PCDHGB4: variants seen among roughly 807,000 people sequenced by gnomAD.
The protein encoded by PCDHGB4 is protocadherin gamma subfamily B, 4, also known as protocadherin gamma-B4.
Under a neutral mutation model 60.5 loss-of-function variants are expected in PCDHGB4, and 38 were observed. The observed-to-expected ratio is 0.63, with a 90% CI of 0.48 to 0.82. PCDHGB4 has a LOEUF of 0.82. PCDHGB4 is among the 40% of genes least tolerant of loss of function. The probability of loss-of-function intolerance (pLI) is 0.00; values close to 1 mark genes in which losing one functional copy is unlikely to be tolerated. For missense variants in PCDHGB4, 1,109 were observed against 1,209.6 expected (o/e 0.92, Z 1.23); for synonymous variants, 456 against 509.7 (o/e 0.89, Z 1.42).
chr5:141,406,707 T>C (rs1201619018), intron 1 of PCDHGB4, among the ~76,000 whole-genome samples: 1 of 152,228 alleles, frequency 6.6e-6, no homozygotes, highest in Non-Finnish European at 1.5e-5. Flanking sequence ...AGTATATGCT[T>C]GCTCAAGAGA....
chr5:141,403,210 C>T lies in PCDHGB4; in HGVS notation c.2397+12929C>T, dbSNP rs369033480. 123 of 1,613,946 alleles carry T rather than the reference C, an allele frequency of 7.6e-5. No homozygotes were observed. In the Middle Eastern group the frequency reaches 1.2e-3, roughly 15 times the overall value. On this transcript the variant is annotated intron_variant, in intron 1 of 3. Coordinates refer to ENST00000519479, the MANE Select transcript of PCDHGB4 (RefSeq NM_003736.4). Reference sequence around the variant, plus strand: ...ACCCGCGCAGCGGCACCTTGGTCACCGCGGGTAGGATAGACCGGGAGGAGC... The same window carrying T: ...ACCCGCGCAGCGGCACCTTGGTCACTGCGGGTAGGATAGACCGGGAGGAGC...
At position 141,432,587 on chromosome 5, in the gene PCDHGB4, A is replaced by G. The variant is rs1344597432; in HGVS notation, c.2397+42306A>G. 5 of 1,613,132 alleles carry G rather than the reference A, an allele frequency of 3.1e-6. No homozygotes were observed. In the East Asian group the frequency reaches 8.9e-5, roughly 29 times the overall value. ...CGCCTGGCTGTCCTACCGTCTGCTC[A>G]AGGCCAGCGAGCCGGGACTCTTCTC... On this transcript the variant is annotated intron_variant, in intron 1 of 3. Transcript: ENST00000519479. This position sits in a 1 kb window ranked among gnomAD's most constrained non-coding sequence, Gnocchi z 6.0.
At chr5:141,408,910 T>A in intron 1 of PCDHGB4, 1 of 1,613,256 alleles carries the variant, frequency 6.2e-7, no homozygotes, top group Non-Finnish European at 8.5e-7. Flanking sequence ...AGGATACCAA[T>A]GATAACCCCC....
intron 1 of PCDHGB4, among the ~76,000 whole-genome samples, chr5:141,452,094 G>A (rs760924457): frequency 6.6e-6 from 1 of 152,162 alleles, no homozygotes; most frequent in South Asian, 2.1e-4. Context: ...CAGTAAGAAA[G>A]AGCTTTCTTT....
At chr5:141,399,641 C>T (rs747527070) in intron 1 of PCDHGB4, 5 of 1,613,852 alleles carry the variant, frequency 3.1e-6, no homozygotes, top group Non-Finnish European at 4.2e-6. Context: ...TCCATGAGCG[C>T]GCAAAGTGGG....
rs767245444 is a variant in PCDHGB4, at chr5:141,393,478, G to A, written c.2397+3197G>A. 1 of 1,614,052 alleles carries A rather than the reference G, an allele frequency of 6.2e-7. No homozygotes were observed. On this transcript the variant is annotated intron_variant, in intron 1 of 3. Transcript: ENST00000519479. ...GCCTCGGATGGCGGCAAGCCGCCTC[G>A]CTCTAGCACAGTGCGCATCCACGTG... is the stretch of plus-strand genomic sequence containing the variant.
At chr5:141,409,589 G>A (rs1487343349) in intron 1 of PCDHGB4, 12 of 1,613,758 alleles carry the variant, frequency 7.4e-6, no homozygotes, top group East Asian at 4.5e-5. Flanking sequence ...CCACGTGGCC[G>A]AGAACAACCC....
intron 1 of PCDHGB4, chr5:141,392,318 C>T (rs1213951508): frequency 6.6e-6 from 1 of 152,062 alleles, no homozygotes; most frequent in Non-Finnish European, 1.5e-5. Context: ...TTTTTTAAGA[C>T]CAAATGTATT....
intron 1 of PCDHGB4, among the ~76,000 whole-genome samples, chr5:141,459,812 A>G (rs1390780491): frequency 1.3e-5 from 2 of 152,232 alleles, no homozygotes; most frequent in South Asian, 2.1e-4. Context: ...GACTAGAGAC[A>G]CTGAGCAACT....
At chr5:141,461,825 T>C (rs2099024418) in intron 1 of PCDHGB4, among the ~76,000 whole-genome samples, 1 of 151,778 alleles carries the variant, frequency 6.6e-6, no homozygotes, top group African/African-American at 2.4e-5. Context: ...AGCTAATTTT[T>C]TTTTCTTTTT....
chr5:141,398,736 A>G (rs748665574), intron 1 of PCDHGB4: 1 of 1,613,884 alleles, frequency 6.2e-7, no homozygotes, highest in South Asian at 1.1e-5. Context: ...TAGACCGGGA[A>G]CAACAGAGTT....
In PCDHGB4 at chr5:141,456,564, A is replaced by G. The variant is rs1174191537; in HGVS notation, c.2398-38243A>G. ...TTGTAGCCACTCGGGGCTGAAGCCC[A>G]CATTTTCCCTGAGCCTGTCAATAAT... On this transcript the variant is annotated intron_variant, in intron 1 of 3. Coordinates refer to ENST00000519479, the MANE Select transcript of PCDHGB4 (RefSeq NM_003736.4). Among the ~76,000 whole-genome samples the G allele has an allele frequency of 2.6e-5, 4 of 152,338 alleles. No individual in the cohort carries two copies. The South Asian group carries it at 6.2e-4, about 24-fold the overall frequency.
At chr5:141,450,506 G>A (rs2098682958) in intron 1 of PCDHGB4, among the ~76,000 whole-genome samples, 2 of 151,914 alleles carry the variant, frequency 1.3e-5, no homozygotes, top group Admixed American at 6.6e-5. Context: ...TTTGTTTTGA[G>A]ATGGAGTCTC....
intron 1 of PCDHGB4, chr5:141,422,865 C>G: frequency 1.2e-6 from 2 of 1,614,244 alleles, no homozygotes; most frequent in Non-Finnish European, 1.7e-6. Context: ...TCAGCAGCAA[C>G]GTGTCGCTGA....
At chr5:141,430,383 GA>G (rs139772145) in intron 1 of PCDHGB4, among the ~76,000 whole-genome samples, 3,229 of 138,382 alleles carry the variant, frequency 0.023, 41 homozygotes, top group African/African-American at 0.033. Flanking sequence ...AGCTCATTGG[GA>G]AAAAAAAAAA....
chr5:141,408,673 C>T (rs1397679515), intron 1 of PCDHGB4: 3 of 1,613,854 alleles, frequency 1.9e-6, no homozygotes, highest in Non-Finnish European at 2.5e-6. Flanking sequence ...TTGACCCTGC[C>T]ACGGATCCTG....
chr5:141,400,220 T>C, intron 1 of PCDHGB4: 1 of 1,614,006 alleles, frequency 6.2e-7, no homozygotes. Context: ...ATCTCAGTGC[T>C]CTTCCTCCTG....
rs1173375966 is a variant in PCDHGB4, at chr5:141,511,162, GAGA to G, written c.2767_2769del (p.Lys923del). 16 of 1,614,044 alleles carry G rather than the reference GAGA, an allele frequency of 9.9e-6. No individual in the cohort carries two copies. The highest frequency in any genetic ancestry group is 5.5e-5 in the South Asian group (5 of 91,078). On this transcript the variant is annotated inframe_deletion, in exon 4 of 4. Transcript: ENST00000519479. The stretch of plus-strand genomic sequence containing the variant: ...CAACAAGAAGAAGTCGGGCAAGAAG[GAGA>G]AGAAGTAACATGGAGGCCAGGCCAA...
chr5:141,393,110 C>T, intron 1 of PCDHGB4: 10 of 1,613,496 alleles, frequency 6.2e-6, no homozygotes, highest in Non-Finnish European at 8.5e-6. Flanking sequence ...GCGCTCAGAG[C>T]CCGCGGTGTC....
Sources: gnomAD v4.1 joint callset for allele counts (sites outside exome capture counted in the v4.1 genomes callset) on GRCh38, gnomAD v4.1.1 for gene constraint, Gnocchi (gnomAD v3.1) non-coding constraint, MANE v1.5 for transcripts, NCBI Gene and HGNC (gene_info 2026-07-23, HGNC 2026-07-21) for gene names.